FOXO1: variants seen among roughly 807,000 people sequenced by gnomAD.
FOXO1 encodes the protein forkhead box protein O1.
Under a neutral mutation model 44.1 loss-of-function variants are expected in FOXO1, and 6 were observed. The ratio of observed to expected loss-of-function variants is 0.14; its 90% CI spans 0.07 to 0.27. The LOEUF (loss-of-function observed/expected upper bound fraction) is 0.27. FOXO1 is among the 10% of genes least tolerant of loss of function. FOXO1 has a pLI of 1.00. For synonymous variants in FOXO1, 380 were observed against 362.7 expected (o/e 1.05, Z -0.54); for missense variants, 737 against 888.8 (o/e 0.83, Z 2.17).
At chr13:40,599,784 G>T (rs1875750905) in intron 1 of FOXO1, among the ~76,000 whole-genome samples, 1 of 152,184 alleles carries the variant, frequency 6.6e-6, no homozygotes, top group African/African-American at 2.4e-5. Context: ...CAGATGGTGA[G>T]TGGTCTTGAT....
chr13:40,579,530 T>C (rs1411128171), intron 1 of FOXO1, among the ~76,000 whole-genome samples: 1 of 149,426 alleles, frequency 6.7e-6, no homozygotes, highest in Non-Finnish European at 1.5e-5. Flanking sequence ...AAGCAAGGTA[T>C]AGGAAGGAAC....
chr13:40,565,547 G>T (rs192339716), intron 1 of FOXO1, among the ~76,000 whole-genome samples: 27 of 152,078 alleles, frequency 1.8e-4, no homozygotes, highest in Admixed American at 1.3e-3. Flanking sequence ...TGGGGCGGTG[G>T]GGGGGCATGC....
chr13:40,656,679 A>C (rs1462030121), intron 1 of FOXO1, among the ~76,000 whole-genome samples: 1 of 151,980 alleles, frequency 6.6e-6, no homozygotes, highest in Non-Finnish European at 1.5e-5. Context: ...AAAATTGTTT[A>C]ATGTAATCAT....
At chr13:40,611,389 C>A (rs944144124) in intron 1 of FOXO1, among the ~76,000 whole-genome samples, 7 of 152,220 alleles carry the variant, frequency 4.6e-5, no homozygotes, top group African/African-American at 1.7e-4. Context: ...TAGGTACACA[C>A]AGTGTGTATT....
rs150843643 is a variant in FOXO1, at chr13:40,631,722, G to A, written c.630+33861C>T. Among the ~76,000 whole-genome samples the A allele has an allele frequency of 5.9e-3, 900 of 152,300 alleles. 6 individuals carry two copies. The highest frequency in any genetic ancestry group is 1.0e-2 in the Non-Finnish European group (680 of 68,018). On this transcript the variant is annotated intron_variant, in intron 1 of 2. Coordinates refer to ENST00000379561, the MANE Select transcript of FOXO1 (RefSeq NM_002015.4). ...AGGACCTAAAGTAGTCAAATTCATAGAGACAGAAAGTAGAATGGTGGCTGT... is the reference window on the plus strand; with the variant it reads ...AGGACCTAAAGTAGTCAAATTCATAAAGACAGAAAGTAGAATGGTGGCTGT...
At chr13:40,650,391 C>T (rs1877640729) in intron 1 of FOXO1, among the ~76,000 whole-genome samples, 1 of 152,188 alleles carries the variant, frequency 6.6e-6, no homozygotes, top group Non-Finnish European at 1.5e-5. Flanking sequence ...GGGAATGCAG[C>T]CCAGTAGGTC....
intron 1 of FOXO1, among the ~76,000 whole-genome samples, 179 bp from the exon 2 acceptor site, chr13:40,561,039 A>G (rs1472244028): frequency 6.6e-6 from 1 of 152,198 alleles, no homozygotes; most frequent in African/African-American, 2.4e-5. Context: ...GCACAGGAAT[A>G]AATAGTATCT....
intron 1 of FOXO1, among the ~76,000 whole-genome samples, chr13:40,564,652 G>A (rs1169276128): frequency 6.6e-6 from 1 of 152,174 alleles, no homozygotes; most frequent in Non-Finnish European, 1.5e-5. Context: ...TGAGACTGCT[G>A]GGCTCTGAAA....
rs1873830022 is a variant in FOXO1 at position 40,558,171 on chromosome 13, C to T, written c.*878G>A. ...ACAAAATGAAAATTATGAATGCTGC[C>T]CCAAATACCTGTGGTTCCACAAAAT... On this transcript the variant is annotated 3_prime_UTR_variant, in exon 3 of 3. Coordinates refer to ENST00000379561, the MANE Select transcript of FOXO1 (RefSeq NM_002015.4). 6.6e-6 allele frequency: 1 copy of T among 152,486 alleles called. No homozygotes were observed. Among genetic ancestry groups the T allele is most frequent in the Admixed American group, 6.5e-5 (1 of 15,270 alleles). The allele number at this position is 152,486 out of a possible 1,614,324, so 9.4% of individuals were successfully genotyped here.
At chr13:40,618,312 C>G (rs1876494043) in intron 1 of FOXO1, among the ~76,000 whole-genome samples, 2 of 152,108 alleles carry the variant, frequency 1.3e-5, no homozygotes, top group South Asian at 4.2e-4. Context: ...AAGAGATCCA[C>G]CCATCTCACC....
At chr13:40,606,496 A>G (rs1389588719) in intron 1 of FOXO1, among the ~76,000 whole-genome samples, 1 of 152,088 alleles carries the variant, frequency 6.6e-6, no homozygotes, top group African/African-American at 2.4e-5. Flanking sequence ...TATTTTTAGT[A>G]GAGATGGGGT....
At chr13:40,629,839 G>A (rs1285929766) in intron 1 of FOXO1, among the ~76,000 whole-genome samples, 1 of 152,120 alleles carries the variant, frequency 6.6e-6, no homozygotes, top group African/African-American at 2.4e-5. Context: ...CTCCTTGTGG[G>A]GCACTGTGTT....
intron 1 of FOXO1, among the ~76,000 whole-genome samples, chr13:40,561,606 G>T (rs947313461): frequency 1.3e-5 from 2 of 151,702 alleles, no homozygotes; most frequent in Non-Finnish European, 1.5e-5. Flanking sequence ...TTTACATAAA[G>T]AAGTTTTATA....
intron 1 of FOXO1, among the ~76,000 whole-genome samples, chr13:40,584,469 CAAAAAAA>C (rs55733141): frequency 2.6e-3 from 166 of 63,092 alleles, no homozygotes; most frequent in East Asian, 8.6e-3. Context: ...ACAAAAAATG[CAAAAAAA>C]AAAAAAAAAA....
intron 1 of FOXO1, among the ~76,000 whole-genome samples, chr13:40,631,384 G>T (rs1019070900): frequency 1.5e-4 from 23 of 152,050 alleles, no homozygotes; most frequent in Non-Finnish European, 2.6e-4. Context: ...AAATCTTTCC[G>T]ATCTTGGATT....
rs1873871801 is a variant in FOXO1, at chr13:40,559,019, T to C, written c.*30A>G. On this transcript the variant is annotated 3_prime_UTR_variant, in exon 3 of 3. Transcript: ENST00000379561. ...GTTCCTGCTGTCAGACAATCTGAAG[T>C]ACTTTTAAGTGTAACCTAGGAAAAA... is the stretch of plus-strand genomic sequence containing the variant. The C allele has an allele frequency of 1.0e-5, 4 of 398,170 alleles. 1 individual carries two copies. In the Admixed American group the frequency reaches 1.3e-4, roughly 13 times the overall value. The allele number at this position is 398,170 out of a possible 1,614,324, so 24.7% of individuals were successfully genotyped here.
intron 1 of FOXO1, among the ~76,000 whole-genome samples, chr13:40,621,929 G>A (rs1454091723): frequency 1.3e-5 from 2 of 152,004 alleles, no homozygotes; most frequent in African/African-American, 4.8e-5. Context: ...TAAGCTTTTG[G>A]GCTAATACTG....
At chr13:40,600,360 T>C (rs1012207171) in intron 1 of FOXO1, among the ~76,000 whole-genome samples, 1 of 152,266 alleles carries the variant, frequency 6.6e-6, no homozygotes, top group Admixed American at 6.5e-5. Flanking sequence ...TCAGAAGGCA[T>C]CACCACGGAA....
intron 1 of FOXO1, among the ~76,000 whole-genome samples, chr13:40,590,376 C>A (rs1875324527): frequency 6.6e-6 from 1 of 152,222 alleles, no homozygotes. Context: ...ACTCTTCGGT[C>A]TCTTCTTACA....
Sources: allele counts gnomAD v4.1 joint callset (sites outside exome capture counted in the v4.1 genomes callset), GRCh38; gene constraint gnomAD v4.1.1; transcripts MANE v1.5; gene names NCBI Gene and HGNC (gene_info 2026-07-23, HGNC 2026-07-21).